EIPR1: variants seen among roughly 807,000 people sequenced by gnomAD.
EIPR1 encodes the protein EARP and GARP complex-interacting protein 1.
Under a neutral mutation model 48.1 loss-of-function variants are expected in EIPR1, and 25 were observed. That is an observed-to-expected ratio of 0.52 (90% CI 0.38 to 0.73). EIPR1 has a LOEUF of 0.73. Among genes scored for constraint, EIPR1 ranks in the 30% least tolerant of loss-of-function variants. The probability of loss-of-function intolerance (pLI) is 0.00; values close to 1 mark genes in which losing one functional copy is unlikely to be tolerated. For missense variants in EIPR1, 415 were observed against 506.2 expected, an observed-to-expected ratio of 0.82 and a Z score of 1.73; for synonymous variants, 204 against 201.9, an observed-to-expected ratio of 1.01 and a Z score of -0.09.
intron 3 of EIPR1, among the ~76,000 whole-genome samples, chr2:3,265,915 C>T (rs1667472413): frequency 6.6e-6 from 1 of 152,230 alleles, no homozygotes; most frequent in African/African-American, 2.4e-5. Flanking sequence ...ATAACAGCCC[C>T]CTGCTTTGAA....
intron 3 of EIPR1, among the ~76,000 whole-genome samples, chr2:3,283,993 A>G (rs7370429): frequency 0.34 from 50,964 of 151,542 alleles, 8,714 homozygotes; most frequent in African/African-American, 0.35. Flanking sequence ...AAAAGGGAAA[A>G]CAACCACCTG....
intron 6 of EIPR1, among the ~76,000 whole-genome samples, 199 bp downstream of exon 6, chr2:3,196,682 G>A (rs758444354): frequency 3.9e-5 from 6 of 152,214 alleles, no homozygotes; most frequent in Non-Finnish European, 7.3e-5. Context: ...GAGGTGCACC[G>A]GTTCCATTGC....
At chr2:3,317,440 G>T (rs1191975359) in intron 3 of EIPR1, among the ~76,000 whole-genome samples, 2 of 151,712 alleles carry the variant, frequency 1.3e-5, no homozygotes, top group East Asian at 1.9e-4. Context: ...CCCTGGGAGC[G>T]CATGAGGCAC....
intron 5 of EIPR1, among the ~76,000 whole-genome samples, chr2:3,200,487 A>T (rs1008832764): frequency 1.1e-4 from 16 of 152,322 alleles, no homozygotes; most frequent in Middle Eastern, 6.8e-3. Flanking sequence ...TGCTCCGTGC[A>T]GGAAATGTTA....
At chr2:3,324,002 AGC>A (rs1256754348) in intron 3 of EIPR1, among the ~76,000 whole-genome samples, 1 of 152,220 alleles carries the variant, frequency 6.6e-6, no homozygotes, top group African/African-American at 2.4e-5. Flanking sequence ...CTGAATTCAC[AGC>A]GCCAGTGTGA....
chr2:3,359,142 C>T (rs1572483838), intron 1 of EIPR1, among the ~76,000 whole-genome samples: 2 of 152,182 alleles, frequency 1.3e-5, no homozygotes, highest in Non-Finnish European at 2.9e-5. Context: ...AACACTGGCA[C>T]AGACCATAAT....
intron 3 of EIPR1, among the ~76,000 whole-genome samples, chr2:3,284,360 C>T (rs546147276): frequency 3.4e-5 from 4 of 118,562 alleles, no homozygotes; most frequent in East Asian, 5.0e-4. Context: ...GGCCGGAGGC[C>T]GCCCACAGGC....
chr2:3,349,092 G>C (rs1244205377), intron 2 of EIPR1, among the ~76,000 whole-genome samples: 1 of 152,226 alleles, frequency 6.6e-6, no homozygotes, highest in Non-Finnish European at 1.5e-5. Flanking sequence ...CTGTACAAAA[G>C]TGTACACTTC....
chr2:3,321,213 C>T (rs948493913), intron 3 of EIPR1, among the ~76,000 whole-genome samples: 3 of 152,104 alleles, frequency 2.0e-5, no homozygotes, highest in Non-Finnish European at 4.4e-5. Context: ...TTTCTTGGCA[C>T]CAGCATCATG....
In EIPR1 at chr2:3,224,123, G is replaced by A. The variant is rs979259746; in HGVS notation, c.417-9875C>T. Among the ~76,000 whole-genome samples, 5 of 152,228 alleles carry A rather than the reference G, an allele frequency of 3.3e-5. No individual in the cohort carries two copies. The East Asian group carries it at 5.8e-4, about 18-fold the overall frequency. On this transcript the variant is annotated intron_variant, in intron 4 of 8. Coordinates refer to ENST00000382125, the MANE Select transcript of EIPR1 (RefSeq NM_003310.5). ...TCATTCCAGGTTGTCTGGAGACACC[G>A]CCTGCCTGATTCCCGCCTTACCGGC...
intron 5 of EIPR1, among the ~76,000 whole-genome samples, chr2:3,202,439 A>C (rs1002505959): frequency 1.3e-5 from 2 of 152,228 alleles, no homozygotes; most frequent in African/African-American, 2.4e-5. Context: ...GATATAATGA[A>C]AAGGCTGGAT....
rs1664644638 is a variant in EIPR1, at chr2:3,192,560, G to A, written c.843C>T (p.Asn281=). 5.0e-6 allele frequency: 8 copies of A among 1,612,160 alleles called. No homozygotes were observed. Among genetic ancestry groups the A allele is most frequent in the Non-Finnish European group, 6.8e-6 (8 of 1,179,622 alleles). The change falls in exon 8 of 9, where the codon AAC becomes AAT. Residue 281 remains asparagine (N), a synonymous_variant. Transcript: ENST00000382125. The part of the protein sequence containing the change: ...HSHWVWNVRY[N]HSHDQLVLTG... ...TGAGGACCAGCTGGTCATGAGAGTG[G>A]TTGTAGCGGACGTTCCACACCCTGC...
In EIPR1 at chr2:3,257,323, T is replaced by G; in HGVS notation, c.392A>C (p.Asn131Thr). Reference protein sequence around the residue: ...QTLELLCHLDNTAHGNMACVV... With the variant: ...QTLELLCHLDTTAHGNMACVV... ...CCAGGCCATGTTGCCATGGGCTGTG[T>G]TGTCAAGGTGACAGAGCAGCTCCAG... Residue 131 changes from asparagine to threonine, a missense_variant, in exon 4 of 9, where the codon AAC becomes ACC. Coordinates refer to ENST00000382125, the MANE Select transcript of EIPR1 (RefSeq NM_003310.5). 6.2e-7 allele frequency: 1 copy of G among 1,614,066 alleles called. No individual in the cohort carries two copies. Among genetic ancestry groups the G allele is most frequent in the South Asian group, 1.1e-5 (1 of 91,076 alleles).
chr2:3,296,264 C>G (rs926073889), intron 3 of EIPR1, among the ~76,000 whole-genome samples: 2 of 126,644 alleles, frequency 1.6e-5, no homozygotes, highest in African/African-American at 6.1e-5. Context: ...ACCCTCCATC[C>G]AGCCCATCCT....
chr2:3,253,632 C>T (rs2103212396), intron 4 of EIPR1, among the ~76,000 whole-genome samples: 1 of 152,348 alleles, frequency 6.6e-6, no homozygotes, highest in South Asian at 2.1e-4. Context: ...TCTCTGTCTG[C>T]TTCCATAGGC....
At chr2:3,269,581 C>T (rs1239757547) in intron 3 of EIPR1, among the ~76,000 whole-genome samples, 1 of 77,050 alleles carries the variant, frequency 1.3e-5, no homozygotes, top group African/African-American at 6.1e-5. Context: ...TCAGTCATCG[C>T]ACTCAATCAT....
intron 3 of EIPR1, among the ~76,000 whole-genome samples, chr2:3,287,708 C>T (rs750853979): frequency 2.6e-5 from 4 of 151,826 alleles, no homozygotes; most frequent in East Asian, 1.9e-4. Flanking sequence ...TCATTCACCA[C>T]GCTCCAGAAA....
At chr2:3,223,211 G>A (rs767225051) in intron 4 of EIPR1, among the ~76,000 whole-genome samples, 2 of 152,168 alleles carry the variant, frequency 1.3e-5, no homozygotes, top group Admixed American at 6.5e-5. Flanking sequence ...GGCCTTGGTC[G>A]AAACACCACT....
chr2:3,307,227 G>A (rs1668974328), intron 3 of EIPR1, among the ~76,000 whole-genome samples: 1 of 152,158 alleles, frequency 6.6e-6, no homozygotes, highest in African/African-American at 2.4e-5. Context: ...CTCCCAAAGT[G>A]CTGGGATTAC....
Sources: gnomAD v4.1 joint callset for allele counts (sites outside exome capture counted in the v4.1 genomes callset) on GRCh38, gnomAD v4.1.1 for gene constraint, MANE v1.5 for transcripts, NCBI Gene and HGNC (gene_info 2026-07-23, HGNC 2026-07-21) for gene names.